Variants in SPIRE1 observed in about 807,000 individuals in gnomAD.
SPIRE1 encodes protein spire homolog 1.
A neutral mutation model predicts 94.1 loss-of-function variants in SPIRE1; 40 were observed. The observed-to-expected ratio is 0.43, with a 90% confidence interval of 0.33 to 0.55. The LOEUF (loss-of-function observed/expected upper bound fraction) is 0.55. Ranked by LOEUF, SPIRE1 falls within the 20% of genes least tolerant of loss-of-function variation. The pLI, the probability that SPIRE1 is intolerant of heterozygous loss-of-function variation, is 0.06. For missense variants in SPIRE1, 838 were observed against 975.2 expected (o/e 0.86, Z 1.87); for synonymous variants, 376 against 371.7 (o/e 1.01, Z -0.13).
intron 2 of SPIRE1, among the ~76,000 whole-genome samples, chr18:12,611,004 A>G (rs1387629961): frequency 6.6e-6 from 1 of 152,104 alleles, no homozygotes; most frequent in Admixed American, 6.5e-5. Context: ...GCTCCACATC[A>G]TATCCCCTCT....
At chr18:12,647,503 C>T (rs2038257861) in intron 1 of SPIRE1, among the ~76,000 whole-genome samples, 2 of 152,106 alleles carry the variant, frequency 1.3e-5, no homozygotes, top group South Asian at 4.1e-4. Context: ...GTAATCCCAC[C>T]ACTGTGGGAA....
intron 4 of SPIRE1, among the ~76,000 whole-genome samples, chr18:12,523,887 C>T (rs1216225780): frequency 2.0e-5 from 3 of 152,104 alleles, no homozygotes; most frequent in Non-Finnish European, 4.4e-5. Context: ...GATAGGATCT[C>T]ACTACATTGC....
In SPIRE1 at chr18:12,657,576, G is replaced by C; in HGVS notation, c.291C>G (p.Thr97=). The change falls in exon 1 of 17, where the codon ACC becomes ACG. Residue 97 remains threonine, a synonymous_variant. Transcript: ENST00000409402. The part of the protein sequence containing the change: ...QIRVWRDGAV[T]LAPAADDAGE... Reference sequence around the variant, plus strand: ...CCGCGTCGTCGGCCGCGGGCGCCAGGGTGACGGCGCCGTCCCTCCAGACGC... The same window carrying C: ...CCGCGTCGTCGGCCGCGGGCGCCAGCGTGACGGCGCCGTCCCTCCAGACGC... 8.1e-7 allele frequency: 1 copy of C among 1,241,536 alleles called. No homozygotes were observed. Among genetic ancestry groups the C allele is most frequent in the African/African-American group, 1.6e-5 (1 of 64,174 alleles). 76.9% of individuals were successfully genotyped at this position (1,241,536 alleles called of 1,614,324 possible).
At chr18:12,495,498 G>T (rs114930034) in intron 7 of SPIRE1, among the ~76,000 whole-genome samples, 2,358 of 152,252 alleles carry the variant, frequency 0.015, 60 homozygotes, top group African/African-American at 0.054. Flanking sequence ...GGAGGTATAT[G>T]ACCAGATTTT....
At chr18:12,546,487 G>T (rs1276885719) in intron 3 of SPIRE1, among the ~76,000 whole-genome samples, 187 bp downstream of exon 3, 1 of 151,826 alleles carries the variant, frequency 6.6e-6, no homozygotes. Flanking sequence ...TTAAAAATTA[G>T]CCAGGTGTGG....
chr18:12,557,958 A>C (rs2035565702), intron 2 of SPIRE1, among the ~76,000 whole-genome samples: 1 of 152,178 alleles, frequency 6.6e-6, no homozygotes, highest in African/African-American at 2.4e-5. Flanking sequence ...AAAATGAGAA[A>C]ACTGGATATC....
At chr18:12,625,029 G>T (rs914840745) in intron 2 of SPIRE1, among the ~76,000 whole-genome samples, 9 of 127,012 alleles carry the variant, frequency 7.1e-5, no homozygotes, top group African/African-American at 2.7e-4. Context: ...ACCCAGAAAG[G>T]TCATTTTAGT....
chr18:12,452,817 G>A (rs928826640), intron 14 of SPIRE1, among the ~76,000 whole-genome samples: 3 of 152,024 alleles, frequency 2.0e-5, no homozygotes, highest in African/African-American at 7.3e-5. Flanking sequence ...CATATTATTA[G>A]AATGATCTTA....
intron 2 of SPIRE1, among the ~76,000 whole-genome samples, chr18:12,589,227 A>G (rs774347457): frequency 1.3e-5 from 2 of 152,208 alleles, no homozygotes; most frequent in Non-Finnish European, 2.9e-5. Flanking sequence ...TAAAGTAACT[A>G]GAGACTAAGT....
chr18:12,453,256 A>T, intron 13 of SPIRE1, 118 bp from the exon 14 acceptor site: 1 of 592,978 alleles, frequency 1.7e-6, no homozygotes, highest in Non-Finnish European at 2.9e-6. Flanking sequence ...AAGAGGAGGA[A>T]GACAATTCAG....
chr18:12,561,560 C>T (rs1291118111), intron 2 of SPIRE1, among the ~76,000 whole-genome samples: 1 of 152,182 alleles, frequency 6.6e-6, no homozygotes, highest in Non-Finnish European at 1.5e-5. Context: ...GCCACCGTGC[C>T]TGGCCATTAA....
intron 2 of SPIRE1, among the ~76,000 whole-genome samples, chr18:12,564,142 T>A (rs1482929746): frequency 6.6e-6 from 1 of 151,924 alleles, no homozygotes; most frequent in Non-Finnish European, 1.5e-5. Flanking sequence ...TAGCAAAACA[T>A]CCAGGAAAAT....
intron 2 of SPIRE1, among the ~76,000 whole-genome samples, chr18:12,620,322 A>G (rs567724094): frequency 1.2e-4 from 19 of 152,360 alleles, no homozygotes; most frequent in African/African-American, 4.6e-4. Flanking sequence ...TCAGAAGTTG[A>G]GCTAATTCTA....
chr18:12,517,250 C>T (rs1567904721), intron 4 of SPIRE1, among the ~76,000 whole-genome samples: 1 of 152,156 alleles, frequency 6.6e-6, no homozygotes. Flanking sequence ...ATTGTGAATA[C>T]TTTTACTCCA....
At chr18:12,461,317 T>C (rs1240867211) in intron 12 of SPIRE1, among the ~76,000 whole-genome samples, 2 of 152,058 alleles carry the variant, frequency 1.3e-5, no homozygotes, top group African/African-American at 2.4e-5. Context: ...AGCTGAATGA[T>C]AGACTGGCTT....
chr18:12,475,604 G>C lies in SPIRE1; in HGVS notation c.1404+4095C>G, dbSNP rs146161001. On this transcript the variant is annotated intron_variant, in intron 10 of 16. Coordinates refer to ENST00000409402, the MANE Select transcript of SPIRE1 (RefSeq NM_001128626.2). The stretch of plus-strand genomic sequence containing the variant: ...CAAAAAATTACTATAAAATGTGAAC[G>C]AAAAAAAACCCTGTAATGTGACATG... Among the ~76,000 whole-genome samples, 796 of 151,566 alleles carry C rather than the reference G, an allele frequency of 5.3e-3. 5 individuals are homozygous for C. The highest frequency in any genetic ancestry group is 0.018 in the African/African-American group (754 of 41,340).
At chr18:12,504,417 G>C (rs543700236) in intron 6 of SPIRE1, among the ~76,000 whole-genome samples, 1 of 151,912 alleles carries the variant, frequency 6.6e-6, no homozygotes, top group African/African-American at 2.4e-5. Flanking sequence ...TGAGGCACGA[G>C]AATCACTTGA....
At chr18:12,532,293 G>A (rs993843874) in intron 4 of SPIRE1, among the ~76,000 whole-genome samples, 3 of 152,172 alleles carry the variant, frequency 2.0e-5, no homozygotes, top group African/African-American at 7.2e-5. Context: ...ACACTTTACA[G>A]AACAAGTATA....
chr18:12,658,168 T>A, upstream of SPIRE1: 2 of 875,692 alleles, frequency 2.3e-6, no homozygotes, highest in Non-Finnish European at 3.0e-6. Flanking sequence ...GCCCGCCCCT[T>A]AGGGGGCCGC....
Sources: gnomAD v4.1 joint callset for allele counts (sites outside exome capture counted in the v4.1 genomes callset) on GRCh38, gnomAD v4.1.1 for gene constraint, MANE v1.5 for transcripts, NCBI Gene and HGNC (gene_info 2026-07-23, HGNC 2026-07-21) for gene names.